ABLIM2: variants seen among roughly 807,000 people sequenced by gnomAD.
ABLIM2 encodes actin-binding LIM protein 2.
In ABLIM2, 53 loss-of-function variants were observed where a neutral mutation model predicts 97.7. The observed-to-expected ratio is 0.54, with a 90% CI of 0.44 to 0.68. The LOEUF is 0.68. Among genes scored for constraint, ABLIM2 ranks in the 30% least tolerant of loss-of-function variants. The pLI, the probability that ABLIM2 is intolerant of heterozygous loss-of-function variation, is 0.00. For missense variants in ABLIM2, 835 were observed against 867.2 expected, an observed-to-expected ratio of 0.96 and a Z score of 0.47; for synonymous variants, 361 against 345.8, an observed-to-expected ratio of 1.04 and a Z score of -0.49.
At chr4:8,078,403 A>G (rs538199449) in intron 5 of ABLIM2, among the ~76,000 whole-genome samples, 1 of 152,352 alleles carries the variant, frequency 6.6e-6, no homozygotes, top group East Asian at 1.9e-4. Flanking sequence ...TTGGTGTCGA[A>G]TGCCCATCAT....
chr4:8,027,213 C>T (rs566574348), intron 12 of ABLIM2, among the ~76,000 whole-genome samples: 18 of 152,250 alleles, frequency 1.2e-4, no homozygotes, highest in African/African-American at 3.4e-4. Context: ...AAAACATGAG[C>T]GTGGCCGTTT....
At chr4:8,008,324 T>A in intron 15 of ABLIM2, 124 bp from the exon 16 acceptor site, 1 of 906,468 alleles carries the variant, frequency 1.1e-6, no homozygotes, top group Non-Finnish European at 1.7e-6. Flanking sequence ...GTGAGAAAAC[T>A]CAATATGTGA....
At chr4:8,073,829 T>C (rs1018070908) in intron 6 of ABLIM2, among the ~76,000 whole-genome samples, 6 of 152,000 alleles carry the variant, frequency 3.9e-5, no homozygotes, top group Non-Finnish European at 8.8e-5. Context: ...GGCTCACGCC[T>C]GTAACCCCGG....
At position 8,069,903 on chromosome 4, in the gene ABLIM2, G is replaced by A. The variant is rs1810652977; in HGVS notation, c.675+7725C>T. Among the ~76,000 whole-genome samples, 1 of 151,056 alleles carries A rather than the reference G, an allele frequency of 6.6e-6. No individual in the cohort carries two copies. The highest frequency in any genetic ancestry group is 6.6e-5 in the Admixed American group (1 of 15,242). On this transcript the variant is annotated intron_variant, in intron 6 of 20. Coordinates refer to ENST00000447017, the MANE Select transcript of ABLIM2 (RefSeq NM_001130083.2). This position sits in a 1 kb window ranked among gnomAD's most constrained non-coding sequence, Gnocchi z 4.2. ...CTGTGTCCCTGTGTTTATGTTGGTT[G>A]TGTGTGTCATGTGTTTCTTTCTGTG...
Position 8,098,660 on chromosome 4 carries a change from C to G in ABLIM2, c.155-1378G>C, listed in dbSNP as rs549740639. On this transcript the variant is annotated intron_variant, in intron 2 of 20. Coordinates refer to ENST00000447017, the MANE Select transcript of ABLIM2 (RefSeq NM_001130083.2). ...ATGCCGGAGCTGCCGGGATTCGAAT[C>G]CCAGCTCTACCCGCGTAGTGTGCTG... Among the ~76,000 whole-genome samples the G allele has an allele frequency of 1.7e-4, 26 of 152,310 alleles. No individual in the cohort carries two copies. The South Asian group carries it at 5.4e-3, about 32-fold the overall frequency.
At chr4:8,088,455 G>A (rs55772638) in intron 3 of ABLIM2, among the ~76,000 whole-genome samples, 171 bp from the exon 4 acceptor site, 329 of 152,240 alleles carry the variant, frequency 2.2e-3, no homozygotes, top group Admixed American at 5.3e-3. Flanking sequence ...CTGCGTCCCC[G>A]CAATAGGACC....
At chr4:8,158,062 G>A (rs1046811118) in intron 1 of ABLIM2, among the ~76,000 whole-genome samples, 3 of 152,248 alleles carry the variant, frequency 2.0e-5, no homozygotes, top group Admixed American at 1.3e-4. Flanking sequence ...GTCAGATCCC[G>A]GAGGGTGGGT....
rs1360029682 is a variant in ABLIM2 at position 8,068,695 on chromosome 4, C to T, written c.676-7641G>A. On this transcript the variant is annotated intron_variant, in intron 6 of 20. Coordinates refer to ENST00000447017, the MANE Select transcript of ABLIM2 (RefSeq NM_001130083.2). The surrounding 1 kb of genome is among the most constrained non-coding windows in gnomAD (Gnocchi z 4.5). Reference sequence around the variant, plus strand: ...CTGCCACACTTCCCCTTGCTTCTTCCCCGCTGCGGGCTCCCGCTCAGCCGA... The same window carrying T: ...CTGCCACACTTCCCCTTGCTTCTTCTCCGCTGCGGGCTCCCGCTCAGCCGA... Among the ~76,000 whole-genome samples the T allele has an allele frequency of 6.6e-6, 1 of 152,214 alleles. No individual in the cohort carries two copies. Among genetic ancestry groups the T allele is most frequent in the African/African-American group, 2.4e-5 (1 of 41,460 alleles).
At chr4:7,989,011 C>A (rs574745329) in intron 17 of ABLIM2, among the ~76,000 whole-genome samples, 1 of 149,174 alleles carries the variant, frequency 6.7e-6, no homozygotes, top group East Asian at 2.0e-4. Flanking sequence ...TGATTGTTTG[C>A]TATTTGTACT....
In ABLIM2 at chr4:8,003,742, T is replaced by C. The variant is rs901027159; in HGVS notation, c.1618+4317A>G. On this transcript the variant is annotated intron_variant, in intron 16 of 20. Transcript: ENST00000447017. This position sits in a 1 kb window ranked among gnomAD's most constrained non-coding sequence, Gnocchi z 4.2. ...CACCATGCCTGGCTGATTTTTTGTG[T>C]TTAGTAGAGACGGGGTTTCACCATG... 2.6e-4 allele frequency among the ~76,000 whole-genome samples: 39 copies of C among 152,090 alleles called. No homozygotes were observed. The highest frequency in any genetic ancestry group is 8.9e-4 in the African/African-American group (37 of 41,482).
chr4:7,984,801 C>T, intron 18 of ABLIM2, 38 bp downstream of exon 18: 1 of 1,555,264 alleles, frequency 6.4e-7, no homozygotes, highest in Middle Eastern at 1.7e-4. Context: ...GCGACCCCTG[C>T]CCCAGCCAGA....
chr4:8,145,593 C>T (rs1008099541), intron 1 of ABLIM2, among the ~76,000 whole-genome samples: 2 of 152,138 alleles, frequency 1.3e-5, no homozygotes, highest in African/African-American at 4.8e-5. Flanking sequence ...TAGCTCTCTG[C>T]TGGAGCCCTG....
At chr4:8,096,073 C>G (rs1831408696) in intron 3 of ABLIM2, among the ~76,000 whole-genome samples, 1 of 152,130 alleles carries the variant, frequency 6.6e-6, no homozygotes. Context: ...CAGGACGATG[C>G]CACGCTCCCC....
intron 9 of ABLIM2, among the ~76,000 whole-genome samples, chr4:8,039,872 C>CTTTT (rs1787025333): frequency 1.1e-5 from 1 of 90,050 alleles, no homozygotes; most frequent in African/African-American, 4.3e-5. Flanking sequence ...GTGCTGATTA[C>CTTTT]TGTTTTTTTT....
chr4:8,158,113 G>T (rs1054123045), intron 1 of ABLIM2, among the ~76,000 whole-genome samples: 1 of 152,226 alleles, frequency 6.6e-6, no homozygotes, highest in Non-Finnish European at 1.5e-5. Context: ...GGGGCGAGGG[G>T]CTGGAGACGC....
In ABLIM2 at chr4:8,125,652, G is replaced by A. The variant is rs1338841550; in HGVS notation, c.11-19015C>T. Among the ~76,000 whole-genome samples the A allele has an allele frequency of 1.1e-4, 16 of 152,326 alleles. No homozygotes were observed. The East Asian group carries it at 2.7e-3, about 26-fold the overall frequency. On this transcript the variant is annotated intron_variant, in intron 1 of 20. Coordinates refer to ENST00000447017, the MANE Select transcript of ABLIM2 (RefSeq NM_001130083.2). This position sits in a 1 kb window ranked among gnomAD's most constrained non-coding sequence, Gnocchi z 6.2. The stretch of plus-strand genomic sequence containing the variant: ...GGCTCTGCCATCAGTGTGACGGTCC[G>A]TCCAGCACAGTTGTCCACAGTTGGT...
At chr4:7,976,266 G>A (rs776525590) in intron 20 of ABLIM2, among the ~76,000 whole-genome samples, 54 of 152,164 alleles carry the variant, frequency 3.5e-4, no homozygotes, top group Non-Finnish European at 6.5e-4. Context: ...ACCAAGTTCC[G>A]CCCCTTCGAC....
intron 1 of ABLIM2, among the ~76,000 whole-genome samples, chr4:8,157,638 C>G (rs970936302): frequency 2.0e-5 from 3 of 152,238 alleles, no homozygotes; most frequent in Non-Finnish European, 4.4e-5. Context: ...AATTCACATT[C>G]TCTCCCCAGT....
intron 1 of ABLIM2, among the ~76,000 whole-genome samples, chr4:8,117,507 G>A (rs1568194): frequency 0.73 from 110,086 of 150,644 alleles, 40,486 homozygotes; most frequent in South Asian, 0.9. Context: ...GACTCCACCC[G>A]CTGCAGACTC....
Sources: gnomAD v4.1 joint callset for allele counts (sites outside exome capture counted in the v4.1 genomes callset) on GRCh38, gnomAD v4.1.1 for gene constraint, Gnocchi (gnomAD v3.1) non-coding constraint, MANE v1.5 for transcripts, NCBI Gene and HGNC (gene_info 2026-07-23, HGNC 2026-07-21) for gene names.